Variants in PLPPR4 observed in about 807,000 individuals in gnomAD.
The protein encoded by PLPPR4 is phospholipid phosphatase-related protein type 4.
In PLPPR4, 24 loss-of-function variants were observed where a neutral mutation model predicts 56.6. The ratio of observed to expected loss-of-function variants is 0.42; its 90% CI spans 0.31 to 0.60. The LOEUF (loss-of-function observed/expected upper bound fraction) is 0.60, where lower values mean the gene tolerates loss of function less well. Among genes scored for constraint, PLPPR4 ranks in the 20% least tolerant of loss-of-function variants. PLPPR4 has a pLI of 0.13. For missense variants in PLPPR4, 654 were observed against 885.8 expected (o/e 0.74, Z 3.32); for synonymous variants, 326 against 328.1 (o/e 0.99, Z 0.07).
intron 1 of PLPPR4, among the ~76,000 whole-genome samples, chr1:99,282,609 A>G (rs1427452832): frequency 6.6e-6 from 1 of 152,134 alleles, no homozygotes; most frequent in Non-Finnish European, 1.5e-5. Context: ...AATACATTTC[A>G]AATCATACTA....
At chr1:99,268,325 A>G (rs1658959576) in intron 1 of PLPPR4, among the ~76,000 whole-genome samples, 1 of 152,242 alleles carries the variant, frequency 6.6e-6, no homozygotes, top group Non-Finnish European at 1.5e-5. Flanking sequence ...CTCATCAGTT[A>G]GTGGCTAGTG....
intron 1 of PLPPR4, among the ~76,000 whole-genome samples, chr1:99,283,680 G>T (rs997156325): frequency 4.6e-5 from 7 of 152,210 alleles, no homozygotes; most frequent in African/African-American, 1.4e-4. Flanking sequence ...GCTGGGCGCG[G>T]TGGCTCACGC....
chr1:99,269,698 G>A (rs979292385), intron 1 of PLPPR4, among the ~76,000 whole-genome samples: 1 of 152,126 alleles, frequency 6.6e-6, no homozygotes, highest in Non-Finnish European at 1.5e-5. Flanking sequence ...ACATTTTTAT[G>A]ACAAACCTGA....
intron 1 of PLPPR4, among the ~76,000 whole-genome samples, chr1:99,282,009 G>T (rs1659339878): frequency 6.6e-6 from 1 of 152,062 alleles, no homozygotes; most frequent in South Asian, 2.1e-4. Context: ...CAAAAGTGAG[G>T]ATTTTGCTGC....
chr1:99,268,187 G>A (rs560539561), intron 1 of PLPPR4, among the ~76,000 whole-genome samples: 1 of 152,338 alleles, frequency 6.6e-6, no homozygotes, highest in South Asian at 2.1e-4. Flanking sequence ...AGTAAGGCAA[G>A]GGCACACTGA....
chr1:99,282,027 A>G (rs1451500223), intron 1 of PLPPR4, among the ~76,000 whole-genome samples: 1 of 152,182 alleles, frequency 6.6e-6, no homozygotes, highest in Non-Finnish European at 1.5e-5. Flanking sequence ...TGCTTAAATC[A>G]TCTTGTACCA....
intron 2 of PLPPR4, among the ~76,000 whole-genome samples, chr1:99,291,938 GAT>G (rs200152437): frequency 1.3e-3 from 204 of 151,932 alleles, no homozygotes; most frequent in African/African-American, 4.1e-3. Context: ...TAGATAGATA[GAT>G]AGAGTTTATA....
At chr1:99,301,527 G>A (rs952558236) in intron 5 of PLPPR4, among the ~76,000 whole-genome samples, 197 bp from the exon 6 acceptor site, 1 of 151,998 alleles carries the variant, frequency 6.6e-6, no homozygotes, top group Admixed American at 6.6e-5. Flanking sequence ...CAACTTTCAT[G>A]TAATTAATTT....
At chr1:99,285,628 C>T (rs142605113) in intron 1 of PLPPR4, among the ~76,000 whole-genome samples, 235 of 151,422 alleles carry the variant, frequency 1.6e-3, no homozygotes, top group Non-Finnish European at 2.7e-3. Flanking sequence ...CTTTTTTTTC[C>T]GGTAAACCTA....
At position 99,268,991 on chromosome 1, in the gene PLPPR4, T is replaced by C. The variant is rs142163949; in HGVS notation, c.78+4320T>C. On this transcript the variant is annotated intron_variant, in intron 1 of 6. Coordinates refer to ENST00000370185, the MANE Select transcript of PLPPR4 (RefSeq NM_014839.5). Reference sequence around the variant, plus strand: ...GTGCAGAACATGCAGTTTTGTTACATAGGTATACACGTGCCATGGTGGTTT... The same window carrying C: ...GTGCAGAACATGCAGTTTTGTTACACAGGTATACACGTGCCATGGTGGTTT... 6.5e-3 allele frequency among the ~76,000 whole-genome samples: 985 copies of C among 152,274 alleles called. 6 individuals carry two copies. The highest frequency in any genetic ancestry group is 0.016 in the South Asian group (77 of 4,816).
intron 4 of PLPPR4, 127 bp downstream of exon 4, chr1:99,299,357 T>C: frequency 1.4e-6 from 1 of 703,020 alleles, no homozygotes; most frequent in Non-Finnish European, 2.4e-6. Context: ...TTCAATTCAA[T>C]GATCTCTTCA....
At chr1:99,265,155 C>CA (rs1491049502) in intron 1 of PLPPR4, among the ~76,000 whole-genome samples, 4 of 131,460 alleles carry the variant, frequency 3.0e-5, no homozygotes, top group African/African-American at 8.6e-5. Context: ...CCCCCCCCCC[C>CA]CAAATCCTTC....
chr1:99,303,322 G>A (rs1659933596), intron 6 of PLPPR4, among the ~76,000 whole-genome samples: 1 of 152,104 alleles, frequency 6.6e-6, no homozygotes, highest in African/African-American at 2.4e-5. Context: ...TAGCAGACCA[G>A]GTAAATGACA....
Position 99,305,872 on chromosome 1 carries a change from C to A in PLPPR4, c.1010C>A (p.Ser337Tyr), listed in dbSNP as rs1347352392. The change falls in exon 7 of 7, where the codon TCT becomes TAT. Residue 337 changes from serine to tyrosine, a missense_variant. Physicochemically the swap from Ser to Tyr is moderately radical, Grantham distance 144 (BLOSUM62 -2). This residue lies in a region of PLPPR4 where 468 missense variants were observed against 554.3 expected (regional missense o/e 0.84). Coordinates refer to ENST00000370185, the MANE Select transcript of PLPPR4 (RefSeq NM_014839.5). ...ILNRNHRDAS[S>Y]LTNLKRANAD... ...AACCGAAACCACAGAGATGCTAGCT[C>A]TCTGACAAATCTCAAAAGAGCAAAT... 1 of 1,613,984 alleles carries A rather than the reference C, an allele frequency of 6.2e-7. No individual in the cohort carries two copies. The highest frequency in any genetic ancestry group is 8.5e-7 in the Non-Finnish European group (1 of 1,180,032).
At chr1:99,304,536 A>G (rs1017268727) in intron 6 of PLPPR4, among the ~76,000 whole-genome samples, 1 of 152,202 alleles carries the variant, frequency 6.6e-6, no homozygotes, top group Non-Finnish European at 1.5e-5. Context: ...TTAATAGAAC[A>G]TGAGTTAGGG....
chr1:99,294,704 A>T (rs924380907), intron 2 of PLPPR4, among the ~76,000 whole-genome samples: 3 of 152,026 alleles, frequency 2.0e-5, no homozygotes, highest in African/African-American at 7.2e-5. Context: ...TCAAAAAAAA[A>T]AAAAAAAAAC....
At chr1:99,293,331 G>A (rs1323302945) in intron 2 of PLPPR4, among the ~76,000 whole-genome samples, 1 of 152,048 alleles carries the variant, frequency 6.6e-6, no homozygotes, top group Non-Finnish European at 1.5e-5. Context: ...GTGGAAAAAT[G>A]TATTTCATTT....
intron 1 of PLPPR4, 22 bp from the exon 2 acceptor site, chr1:99,287,943 C>A (rs1659510967): frequency 6.3e-7 from 1 of 1,592,986 alleles, no homozygotes; most frequent in Non-Finnish European, 8.6e-7. Context: ...ATAAATTGAT[C>A]TTCTTTGTCC....
intron 1 of PLPPR4, among the ~76,000 whole-genome samples, chr1:99,276,206 T>G (rs1276480831): frequency 6.6e-6 from 1 of 152,104 alleles, no homozygotes; most frequent in African/African-American, 2.4e-5. Flanking sequence ...CATCTAAGTG[T>G]GTATAAAGAT....
Sources: gnomAD v4.1 joint callset for allele counts (sites outside exome capture counted in the v4.1 genomes callset) on GRCh38, gnomAD v4.1.1 for gene constraint, gnomAD v4.1.1 regional missense constraint, MANE v1.5 for transcripts, NCBI Gene and HGNC (gene_info 2026-07-23, HGNC 2026-07-21) for gene names.